The following SGCD variants were observed in gnomAD, a reference collection of about 807,000 sequenced individuals.
The protein encoded by SGCD is sarcoglycan delta.
In SGCD, 18 loss-of-function variants were observed where a neutral mutation model predicts 36.6. That is an observed-to-expected ratio of 0.49 (90% CI 0.34 to 0.73). SGCD has a LOEUF of 0.73. Ranked by LOEUF, SGCD falls within the 30% of genes least tolerant of loss-of-function variation. The probability of loss-of-function intolerance (pLI) is 0.01; values close to 1 mark genes in which losing one functional copy is unlikely to be tolerated. For missense variants in SGCD, 387 were observed against 346.7 expected (o/e 1.12, Z -0.92); for synonymous variants, 133 against 130.6 (o/e 1.02, Z -0.12).
At chr5:156,510,323 C>T (rs371229213) in intron 4 of SGCD, among the ~76,000 whole-genome samples, 8 of 152,098 alleles carry the variant, frequency 5.3e-5, no homozygotes, top group African/African-American at 1.9e-4. Flanking sequence ...GACCCTGTAA[C>T]GTGGAGAGTC....
intron 3 of SGCD, among the ~76,000 whole-genome samples, chr5:156,423,418 A>G (rs1289617561): frequency 1.3e-5 from 1 of 79,178 alleles, no homozygotes; most frequent in Non-Finnish European, 2.6e-5. Flanking sequence ...ATAATATATT[A>G]TATTTTAATA....
At chr5:156,519,888 A>G (rs1757330503) in intron 4 of SGCD, among the ~76,000 whole-genome samples, 1 of 152,166 alleles carries the variant, frequency 6.6e-6, no homozygotes, top group South Asian at 2.1e-4. Context: ...TGCCATCTAT[A>G]ACACATCTTC....
At chr5:156,474,221 A>G (rs1755086685) in intron 3 of SGCD, among the ~76,000 whole-genome samples, 1 of 152,166 alleles carries the variant, frequency 6.6e-6, no homozygotes. Context: ...AAAAAGAACT[A>G]TCAAGCCCAA....
upstream of SGCD, chr5:155,870,218 T>G (rs1755604939): frequency 6.6e-6 from 1 of 152,216 alleles, no homozygotes; most frequent in South Asian, 2.1e-4. Flanking sequence ...AAGTCACTAA[T>G]TTTTCTGTGT....
intron 3 of SGCD, among the ~76,000 whole-genome samples, chr5:156,133,388 T>C (rs1397622090): frequency 6.6e-6 from 1 of 152,208 alleles, no homozygotes; most frequent in Non-Finnish European, 1.5e-5. Context: ...ATCTCATTTT[T>C]TCACTTATAT....
chr5:156,376,230 C>T (rs1373477212), intron 3 of SGCD, among the ~76,000 whole-genome samples: 1 of 152,190 alleles, frequency 6.6e-6, no homozygotes, highest in African/African-American at 2.4e-5. Context: ...CCCATATCAT[C>T]TTGGGTGTTA....
At chr5:156,535,571 G>A (rs1758070879) in intron 4 of SGCD, among the ~76,000 whole-genome samples, 1 of 152,098 alleles carries the variant, frequency 6.6e-6, no homozygotes, top group Admixed American at 6.6e-5. Context: ...TATCAGTTAG[G>A]GGATAATTTT....
intron 6 of SGCD, among the ~76,000 whole-genome samples, chr5:156,636,177 G>GT (rs1444416813): frequency 6.6e-6 from 1 of 152,130 alleles, no homozygotes; most frequent in Non-Finnish European, 1.5e-5. Flanking sequence ...AATGAAGCTG[G>GT]TAGAAAGCTA....
At chr5:156,601,665 T>A (rs956917121) in intron 6 of SGCD, among the ~76,000 whole-genome samples, 27 of 152,138 alleles carry the variant, frequency 1.8e-4, no homozygotes, top group African/African-American at 5.8e-4. Context: ...CTGTGAATAA[T>A]GTCATTGGGT....
At chr5:156,300,739 G>A (rs531463396) in intron 3 of SGCD, among the ~76,000 whole-genome samples, 14 of 151,920 alleles carry the variant, frequency 9.2e-5, no homozygotes, top group Non-Finnish European at 1.6e-4. Context: ...TCTTGTATTG[G>A]GATCTCTCTG....
intron 7 of SGCD, among the ~76,000 whole-genome samples, chr5:156,688,024 G>A (rs1034023413): frequency 1.6e-4 from 25 of 152,214 alleles, no homozygotes; most frequent in South Asian, 1.0e-3. Context: ...GCACAGCCAG[G>A]TGTACTACAG....
chr5:156,371,592 G>T (rs1366451217), intron 3 of SGCD, among the ~76,000 whole-genome samples: 1 of 152,188 alleles, frequency 6.6e-6, no homozygotes, highest in Non-Finnish European at 1.5e-5. Context: ...GAGGTGAGAA[G>T]TAAGCCCGGA....
chr5:156,618,592 C>CAAAAAA (rs748789128), intron 6 of SGCD, among the ~76,000 whole-genome samples: 3 of 76,362 alleles, frequency 3.9e-5, no homozygotes, highest in Non-Finnish European at 5.4e-5. Flanking sequence ...TCATAATTCT[C>CAAAAAA]AAAAAAAAAA....
intron 6 of SGCD, among the ~76,000 whole-genome samples, chr5:156,609,035 C>T (rs942704365): frequency 3.3e-5 from 5 of 151,950 alleles, no homozygotes; most frequent in South Asian, 2.1e-4. Flanking sequence ...GAGCATTTAG[C>T]CCATTTACAT....
At chr5:155,942,322 G>GTATCTATCTATCTATCTATC (rs1486613471) in intron 1 of SGCD, among the ~76,000 whole-genome samples, 123 of 79,288 alleles carry the variant, frequency 1.6e-3, no homozygotes, top group African/African-American at 2.3e-3. Flanking sequence ...ATGTATGTAT[G>GTATCTATCTATCTATCTATC]TATGTATGTA....
At chr5:156,616,012 A>C (rs964067041) in intron 6 of SGCD, among the ~76,000 whole-genome samples, 2 of 152,212 alleles carry the variant, frequency 1.3e-5, no homozygotes. Flanking sequence ...AGGGAGAGGC[A>C]AGGAAATTTA....
At chr5:155,829,313 A>G in the SGCD span, among the ~76,000 whole-genome samples, 5 of 152,144 alleles carry the variant, frequency 3.3e-5, no homozygotes, top group Non-Finnish European at 7.4e-5. Context: ...ACATTGCTCC[A>G]TGTTGAAGTG....
At chr5:156,727,746 G>A (rs1200970601) in intron 7 of SGCD, among the ~76,000 whole-genome samples, 2 of 152,162 alleles carry the variant, frequency 1.3e-5, no homozygotes, top group Admixed American at 6.5e-5. Context: ...AACTAAATAA[G>A]ATTATATGCA....
the SGCD span, among the ~76,000 whole-genome samples, chr5:155,838,477 G>A: frequency 3.9e-5 from 6 of 151,982 alleles, no homozygotes; most frequent in East Asian, 9.7e-4. Flanking sequence ...TTTTGCCCCC[G>A]TGTCATTTAA....
Sources: allele counts gnomAD v4.1 joint callset (sites outside exome capture counted in the v4.1 genomes callset), GRCh38; gene constraint gnomAD v4.1.1; transcripts MANE v1.5; gene names NCBI Gene and HGNC (gene_info 2026-07-23, HGNC 2026-07-21).